The following GRK3 variants were observed in gnomAD, a reference collection of about 807,000 sequenced individuals.
GRK3 encodes the protein adrenergic, beta, receptor kinase 2.
GRK3 carries 54 observed loss-of-function variants against 95.7 expected under a neutral mutation model. The observed-to-expected ratio is 0.56, with a 90% CI of 0.45 to 0.71. The LOEUF is 0.71. Among genes scored for constraint, GRK3 ranks in the 30% least tolerant of loss-of-function variants. The pLI is 0.00. For synonymous variants in GRK3, 281 were observed against 290.8 expected (o/e 0.97, Z 0.34); for missense variants, 649 against 851.2 (o/e 0.76, Z 2.96).
intron 14 of GRK3, among the ~76,000 whole-genome samples, chr22:25,703,819 A>G (rs987161972): frequency 6.6e-6 from 1 of 152,256 alleles, no homozygotes; most frequent in Non-Finnish European, 1.5e-5. Context: ...GAACAGTATG[A>G]GGAAGCTAAA....
intron 1 of GRK3, among the ~76,000 whole-genome samples, chr22:25,599,328 C>T (rs2084392924): frequency 6.6e-6 from 1 of 152,168 alleles, no homozygotes; most frequent in Admixed American, 6.5e-5. Flanking sequence ...TGCAGTGGCT[C>T]ATGCCTGTAA....
intron 1 of GRK3, among the ~76,000 whole-genome samples, chr22:25,591,634 G>A (rs1019447423): frequency 2.0e-5 from 3 of 151,994 alleles, no homozygotes; most frequent in Admixed American, 6.6e-5. Context: ...AATTTCAAGC[G>A]TTTTTGGAGC....
intron 2 of GRK3, among the ~76,000 whole-genome samples, chr22:25,617,813 G>A (rs1418964883): frequency 1.3e-5 from 2 of 152,020 alleles, no homozygotes. Flanking sequence ...GTCTCACTTT[G>A]TTGCCCAGGC....
intron 1 of GRK3, among the ~76,000 whole-genome samples, chr22:25,566,036 T>G (rs1302552258): frequency 6.6e-6 from 1 of 152,224 alleles, no homozygotes; most frequent in Non-Finnish European, 1.5e-5. Flanking sequence ...TAAAATTTTT[T>G]CTAGTTCATA....
At chr22:25,576,027 CTAAG>C (rs1397246037) in intron 1 of GRK3, among the ~76,000 whole-genome samples, 1 of 152,248 alleles carries the variant, frequency 6.6e-6, no homozygotes, top group Non-Finnish European at 1.5e-5. Context: ...GAGAATCCTA[CTAAG>C]TGAGAGCCTC....
intron 1 of GRK3, among the ~76,000 whole-genome samples, chr22:25,566,709 A>G (rs1931499384): frequency 6.6e-6 from 1 of 152,220 alleles, no homozygotes; most frequent in Non-Finnish European, 1.5e-5. Flanking sequence ...AAACTTACTT[A>G]GAGAACAAGA....
At chr22:25,707,719 A>C (rs1322311306) in intron 15 of GRK3, among the ~76,000 whole-genome samples, 1 of 152,224 alleles carries the variant, frequency 6.6e-6, no homozygotes, top group African/African-American at 2.4e-5. Flanking sequence ...AATGCGAAGC[A>C]AGACTGGAGA....
chr22:25,665,489 T>C (rs1475271077), intron 5 of GRK3, among the ~76,000 whole-genome samples: 1 of 152,220 alleles, frequency 6.6e-6, no homozygotes, highest in Non-Finnish European at 1.5e-5. Context: ...GATTCTTTCA[T>C]ACCTTCAAAA....
intron 1 of GRK3, among the ~76,000 whole-genome samples, chr22:25,567,046 T>C (rs1304618509): frequency 2.0e-5 from 3 of 152,184 alleles, no homozygotes; most frequent in Admixed American, 1.3e-4. Flanking sequence ...GGGTGTTCAC[T>C]TCCTTGTATG....
chr22:25,625,348 G>T (rs955040041), intron 2 of GRK3, among the ~76,000 whole-genome samples: 10 of 152,164 alleles, frequency 6.6e-5, no homozygotes, highest in African/African-American at 2.4e-4. Flanking sequence ...GCCATACAGA[G>T]ATAGGAGCTG....
intron 2 of GRK3, among the ~76,000 whole-genome samples, chr22:25,606,192 G>A (rs1046280256): frequency 6.6e-6 from 1 of 152,208 alleles, no homozygotes; most frequent in Non-Finnish European, 1.5e-5. Flanking sequence ...CTGATGGGCT[G>A]TGCATTTTAT....
At chr22:25,665,334 G>A (rs1028364793) in intron 5 of GRK3, among the ~76,000 whole-genome samples, 19 of 152,252 alleles carry the variant, frequency 1.2e-4, no homozygotes, top group African/African-American at 3.1e-4. Flanking sequence ...GCCATGGTAC[G>A]TAGACAGCCT....
intron 2 of GRK3, among the ~76,000 whole-genome samples, chr22:25,607,052 A>G (rs2084455028): frequency 6.6e-6 from 1 of 152,176 alleles, no homozygotes; most frequent in South Asian, 2.1e-4. Flanking sequence ...AGACTAGAAT[A>G]ATTAACCCCA....
At chr22:25,693,718 G>GATCATTT (rs1439607856) in intron 12 of GRK3, among the ~76,000 whole-genome samples, 1 of 151,512 alleles carries the variant, frequency 6.6e-6, no homozygotes, top group Non-Finnish European at 1.5e-5. Flanking sequence ...AGTGATCCAG[G>GATCATTT]ATCATTTATT....
At chr22:25,718,705 T>C (rs1026891202) in intron 19 of GRK3, among the ~76,000 whole-genome samples, 2 of 152,112 alleles carry the variant, frequency 1.3e-5, no homozygotes, top group Non-Finnish European at 2.9e-5. Context: ...CAGACAGAGG[T>C]GTTCAGCTCC....
At chr22:25,606,112 C>T (rs1226692315) in intron 2 of GRK3, among the ~76,000 whole-genome samples, 1 of 152,190 alleles carries the variant, frequency 6.6e-6, no homozygotes, top group Non-Finnish European at 1.5e-5. Flanking sequence ...GACCTGAGCT[C>T]CCAATGGCAT....
In GRK3 at chr22:25,725,822, G is replaced by A. The variant is rs1239982521; in HGVS notation, c.*3372G>A. On this transcript the variant is annotated 3_prime_UTR_variant, in exon 21 of 21. Transcript: ENST00000324198. ...AAATTAGCCGGGCGTGGTGGCGGGC[G>A]CCTGTAGTCCCAGCTACTTGGGAGG... 13 of 347,586 alleles carry A rather than the reference G, an allele frequency of 3.7e-5. No homozygotes were observed. Among genetic ancestry groups the A allele is most frequent in the African/African-American group, 6.3e-5 (3 of 47,348 alleles). 21.5% of individuals were successfully genotyped at this position (347,586 alleles called of 1,614,324 possible). A position where few individuals can be genotyped will look rare whatever the true frequency, so the allele number is the denominator to read the frequency against.
At chr22:25,606,181 G>A (rs541453615) in intron 2 of GRK3, among the ~76,000 whole-genome samples, 5 of 152,334 alleles carry the variant, frequency 3.3e-5, no homozygotes, top group African/African-American at 7.2e-5. Context: ...CTCACTGGGC[G>A]CTGATGGGCT....
At chr22:25,591,631 A>G (rs1932494203) in intron 1 of GRK3, among the ~76,000 whole-genome samples, 1 of 152,152 alleles carries the variant, frequency 6.6e-6, no homozygotes, top group Non-Finnish European at 1.5e-5. Context: ...GGAAATTTCA[A>G]GCGTTTTTGG....
Sources: allele counts gnomAD v4.1 joint callset (sites outside exome capture counted in the v4.1 genomes callset), GRCh38; gene constraint gnomAD v4.1.1; transcripts MANE v1.5; gene names NCBI Gene and HGNC (gene_info 2026-07-23, HGNC 2026-07-21).